NCALD: variants seen among roughly 807,000 people sequenced by gnomAD.
The protein encoded by NCALD is neurocalcin-delta.
A neutral mutation model predicts 18.6 loss-of-function variants in NCALD; 10 were observed. The ratio of observed to expected loss-of-function variants is 0.54; its 90% confidence interval spans 0.33 to 0.91. NCALD has a LOEUF of 0.91. NCALD is among the 40% of genes least tolerant of loss of function. The pLI is 0.03. For synonymous variants in NCALD, 88 were observed against 87.4 expected, an observed-to-expected ratio of 1.01 and a Z score of -0.04; for missense variants, 184 against 247.6, an observed-to-expected ratio of 0.74 and a Z score of 1.72.
chr8:101,996,773 TA>T (rs1415697462), intron 2 of NCALD, among the ~76,000 whole-genome samples: 1 of 152,188 alleles, frequency 6.6e-6, no homozygotes, highest in East Asian at 1.9e-4. Context: ...GCAGCAGAGT[TA>T]AAGATGCATC....
intron 2 of NCALD, among the ~76,000 whole-genome samples, chr8:101,714,031 T>A (rs1815942899): frequency 2.0e-5 from 3 of 152,150 alleles, no homozygotes; most frequent in African/African-American, 7.2e-5. Flanking sequence ...CCACAGCCAA[T>A]ATCACACCGA....
At chr8:101,792,404 T>C (rs544755565), upstream of NCALD, among the ~76,000 whole-genome samples, 3 of 152,278 alleles carry the variant, frequency 2.0e-5, no homozygotes, top group Admixed American at 1.3e-4. Context: ...CCAGCCCCAA[T>C]TGGGAGAAAA....
chr8:102,003,016 G>A (rs7819015), intron 2 of NCALD, among the ~76,000 whole-genome samples: 22,567 of 151,918 alleles, frequency 0.15, 2,242 homozygotes, highest in African/African-American at 0.28. Flanking sequence ...AAGGCAAGAA[G>A]TAACTAAGAT....
At position 101,979,770 on chromosome 8, in the gene NCALD, A is replaced by G. The variant is rs2165273; in HGVS notation, c.-157+40467T>C. On this transcript the variant is annotated intron_variant, in intron 2 of 6. Coordinates refer to the NCALD transcript ENST00000311028. ...ATAAAACAGAGCAAGAGCAACAAAT[A>G]GAAAAAAGTGAAGAAATCCCTATCG... 1.4e-3 allele frequency among the ~76,000 whole-genome samples: 219 copies of G among 152,346 alleles called. 2 individuals are homozygous for G. Among genetic ancestry groups the G allele is most frequent in the African/African-American group, 4.8e-3 (200 of 41,584 alleles).
At chr8:101,691,027 G>A in intron 3 of NCALD, 1 of 985,394 alleles carries the variant, frequency 1.0e-6, no homozygotes, top group Non-Finnish European at 1.2e-6. Context: ...TCAAATCGGA[G>A]GCCAGAAGTT....
chr8:101,879,347 C>T (rs1816373864), intron 4 of NCALD, among the ~76,000 whole-genome samples: 1 of 152,196 alleles, frequency 6.6e-6, no homozygotes, highest in African/African-American at 2.4e-5. Flanking sequence ...CTGACTTCAG[C>T]AGTGAAGCTG....
intron 4 of NCALD, among the ~76,000 whole-genome samples, chr8:101,850,928 A>G (rs1815067371): frequency 6.6e-6 from 1 of 152,208 alleles, no homozygotes; most frequent in Admixed American, 6.5e-5. Context: ...GGGTGTTAAT[A>G]GGGTTTACTC....
chr8:101,887,996 A>C (rs548890442), intron 3 of NCALD, among the ~76,000 whole-genome samples: 1 of 152,176 alleles, frequency 6.6e-6, no homozygotes, highest in Non-Finnish European at 1.5e-5. Flanking sequence ...TCAAGATCAT[A>C]TATCTATCAT....
chr8:101,809,855 T>C (rs950448318), intron 4 of NCALD, among the ~76,000 whole-genome samples: 15 of 152,340 alleles, frequency 9.8e-5, no homozygotes, highest in African/African-American at 3.6e-4. Context: ...TGCTCTCTTT[T>C]TTTTAAAGAT....
intron 2 of NCALD, among the ~76,000 whole-genome samples, chr8:102,000,336 C>T (rs951889567): frequency 7.2e-5 from 11 of 152,134 alleles, no homozygotes; most frequent in South Asian, 2.1e-4. Flanking sequence ...GAGGGGTACC[C>T]GCCATTGCCG....
intron 1 of NCALD, among the ~76,000 whole-genome samples, chr8:102,022,365 C>T (rs1416587881): frequency 1.3e-5 from 2 of 152,176 alleles, no homozygotes; most frequent in Non-Finnish European, 2.9e-5. Context: ...TATGTTTATT[C>T]CAAATACTTG....
chr8:101,720,573 T>G (rs1416439552), intron 1 of NCALD, among the ~76,000 whole-genome samples: 1 of 152,240 alleles, frequency 6.6e-6, no homozygotes, highest in Non-Finnish European at 1.5e-5. Flanking sequence ...CACACCTTTT[T>G]GTTACCTATT....
chr8:101,838,481 A>G (rs2131277708), intron 4 of NCALD, among the ~76,000 whole-genome samples: 1 of 152,326 alleles, frequency 6.6e-6, no homozygotes, highest in South Asian at 2.1e-4. Flanking sequence ...TGGCCTCCCA[A>G]AGTGCTGGGA....
intron 4 of NCALD, among the ~76,000 whole-genome samples, chr8:101,853,455 T>C (rs563463): frequency 0.31 from 46,878 of 151,842 alleles, 8,208 homozygotes; most frequent in African/African-American, 0.47. Context: ...GACAGAGGGA[T>C]CAAAATATTG....
In NCALD at chr8:101,931,933, T is replaced by A. The variant is rs149460772; in HGVS notation, c.-156-16075A>T. Reference sequence around the variant, plus strand: ...CCTTAGGAGCCCATATCTGTCTTACTCATAGCCCAGGCCCTTAGGAGCACT... The same window carrying A: ...CCTTAGGAGCCCATATCTGTCTTACACATAGCCCAGGCCCTTAGGAGCACT... On this transcript the variant is annotated intron_variant, in intron 2 of 6. Coordinates refer to the NCALD transcript ENST00000311028. 3.3e-5 allele frequency among the ~76,000 whole-genome samples: 5 copies of A among 152,246 alleles called. No homozygotes were observed. The East Asian group carries it at 9.6e-4, about 29-fold the overall frequency.
At chr8:102,088,981 T>C (rs1275355041) in intron 1 of NCALD, among the ~76,000 whole-genome samples, 2 of 152,194 alleles carry the variant, frequency 1.3e-5, no homozygotes, top group Admixed American at 6.5e-5. Flanking sequence ...GATATAAAAC[T>C]GGGACCCTTA....
upstream of NCALD, among the ~76,000 whole-genome samples, chr8:101,793,877 G>A (rs1350021662): frequency 6.6e-6 from 1 of 152,206 alleles, no homozygotes; most frequent in African/African-American, 2.4e-5. Flanking sequence ...CAAGCAGTCT[G>A]ACCTGGGCTC....
intron 2 of NCALD, among the ~76,000 whole-genome samples, chr8:101,938,434 C>A (rs1818839836): frequency 6.6e-6 from 1 of 152,094 alleles, no homozygotes; most frequent in African/African-American, 2.4e-5. Flanking sequence ...GATGTGAATC[C>A]AGACAGTCTG....
At chr8:101,800,863 G>A (rs1203525114) in intron 4 of NCALD, among the ~76,000 whole-genome samples, 1 of 108,596 alleles carries the variant, frequency 9.2e-6, no homozygotes, top group Admixed American at 9.4e-5. Context: ...GGAGGGGAGA[G>A]GGGAGGAGGA....
Sources: allele counts gnomAD v4.1 joint callset (sites outside exome capture counted in the v4.1 genomes callset), GRCh38; gene constraint gnomAD v4.1.1; transcripts MANE v1.5; gene names NCBI Gene and HGNC (gene_info 2026-07-23, HGNC 2026-07-21).